Variants in UGT1A6 observed in about 807,000 individuals in gnomAD.
The protein encoded by UGT1A6 is UDP glucuronosyltransferase family 1 member A6, also known as UDP-glucuronosyltransferase 1A6.
In UGT1A6, 32 loss-of-function variants were observed where a neutral mutation model predicts 44.4. The observed-to-expected ratio is 0.72, with a 90% CI of 0.54 to 0.97. UGT1A6 has a LOEUF of 0.97. Ranked by LOEUF, UGT1A6 falls within the 50% of genes least tolerant of loss-of-function variation. UGT1A6 has a pLI of 0.00. For missense variants in UGT1A6, 685 were observed against 661.9 expected, an observed-to-expected ratio of 1.03 and a Z score of -0.38; for synonymous variants, 238 against 248.5, an observed-to-expected ratio of 0.96 and a Z score of 0.40.
At chr2:233,707,539 T>G (rs1401176001) in intron 1 of UGT1A6, among the ~76,000 whole-genome samples, 11 of 137,828 alleles carry the variant, frequency 8.0e-5, no homozygotes, top group Non-Finnish European at 1.6e-5. Context: ...TTGTCTTGCC[T>G]TTTTTTTTTT....
chr2:233,745,781 C>A (rs1693207389), intron 1 of UGT1A6, among the ~76,000 whole-genome samples: 1 of 150,162 alleles, frequency 6.7e-6, no homozygotes, highest in Non-Finnish European at 1.5e-5. Flanking sequence ...TGAGCTTAGA[C>A]AGGGGGGCTG....
At chr2:233,757,535 A>AATAAATATACATATAC (rs1553619837) in intron 1 of UGT1A6, among the ~76,000 whole-genome samples, 3 of 88,310 alleles carry the variant, frequency 3.4e-5, no homozygotes, top group African/African-American at 1.5e-4. Context: ...GCCTGTAAGG[A>AATAAATATACATATAC]ATATATATAT....
Position 233,769,399 on chromosome 2 carries a change from ATGTGCGTGTGCGTT to A in UGT1A6, c.1301+966_1301+979del. On this transcript the variant is annotated intron_variant, in intron 4 of 4. Coordinates refer to ENST00000305139, the MANE Select transcript of UGT1A6 (RefSeq NM_001072.4). This position sits in a 1 kb window ranked among gnomAD's most constrained non-coding sequence, Gnocchi z 4.4. ...ATCCGACAATAGATACTGTGTGCATATGTGCGTGTGCGTTTGTGCATGTGGCTGTGCTCATGTGT... is the reference window on the plus strand; with the variant it reads ...ATCCGACAATAGATACTGTGTGCATATGTGCATGTGGCTGTGCTCATGTGT... 1 of 1,170,288 alleles carries A rather than the reference ATGTGCGTGTGCGTT, an allele frequency of 8.5e-7. No homozygotes were observed. Among genetic ancestry groups the A allele is most frequent in the Non-Finnish European group, 1.2e-6 (1 of 810,196 alleles). 72.5% of individuals were successfully genotyped at this position (1,170,288 alleles called of 1,614,324 possible).
At chr2:233,767,827 C>G in intron 2 of UGT1A6, 22 bp from the exon 3 acceptor site, 2 of 1,614,176 alleles carry the variant, frequency 1.2e-6, no homozygotes, top group Non-Finnish European at 1.7e-6. Flanking sequence ...TCTTTACGTT[C>G]TGCTCTTTTT....
At chr2:233,744,177 C>G (rs1335639755) in intron 1 of UGT1A6, among the ~76,000 whole-genome samples, 1 of 151,854 alleles carries the variant, frequency 6.6e-6, no homozygotes, top group Admixed American at 6.5e-5. Context: ...CGGCCTCCAA[C>G]CAGCCATGGT....
upstream of UGT1A6, chr2:233,692,279 C>G (rs2075088815): frequency 6.6e-6 from 1 of 152,370 alleles, no homozygotes. Flanking sequence ...TTTCCTCTGG[C>G]TATTCATCCG....
intron 1 of UGT1A6, chr2:233,741,960 TTG>T: frequency 6.6e-6 from 1 of 151,970 alleles, no homozygotes; most frequent in East Asian, 1.9e-4. Context: ...TACTTTCTTG[TTG>T]TGTTTATGGT....
At chr2:233,751,657 CTGAG>C (rs111702425) in intron 1 of UGT1A6, among the ~76,000 whole-genome samples, 4 of 152,292 alleles carry the variant, frequency 2.6e-5, no homozygotes, top group African/African-American at 9.6e-5. Context: ...TCTCATCCTA[CTGAG>C]TGAGTTCTAA....
At chr2:233,754,637 G>C (rs1695540827) in intron 1 of UGT1A6, 2 of 446,646 alleles carry the variant, frequency 4.5e-6, no homozygotes, top group African/African-American at 4.1e-5. Context: ...CCCTTTCTTG[G>C]CCATTCTCAA....
intron 1 of UGT1A6, chr2:233,718,950 ATGCGGGAGGCCT>A (rs1337113701): frequency 6.2e-7 from 1 of 1,614,178 alleles, no homozygotes. Flanking sequence ...CTGGCTCAGC[ATGCGGGAGGCCT>A]TGCGGGAGCT....
In UGT1A6 at chr2:233,760,364, ATGCTGGGAAGATAC is replaced by A. The variant is rs775463336; in HGVS notation, c.862-6667_862-6654del. 13 of 1,614,036 alleles carry A rather than the reference ATGCTGGGAAGATAC, an allele frequency of 8.1e-6. No homozygotes were observed. In the African/African-American group the frequency reaches 1.6e-4, roughly 20 times the overall value. On this transcript the variant is annotated intron_variant, in intron 1 of 4. Coordinates refer to ENST00000305139, the MANE Select transcript of UGT1A6 (RefSeq NM_001072.4). ...TGTGTGCTGGGCCCAGTGGTGTCCC[ATGCTGGGAAGATAC>A]TGTTGATCCCAGTGGATGGCAGCCA... is the stretch of plus-strand genomic sequence containing the variant.
chr2:233,769,855 C>T lies in UGT1A6; in HGVS notation c.1301+1416C>T. The T allele has an allele frequency of 2.7e-6, 1 of 372,078 alleles. No individual in the cohort carries two copies. The highest frequency in any genetic ancestry group is 4.4e-6 in the Non-Finnish European group (1 of 226,694). The allele number at this position is 372,078 out of a possible 1,614,324, so 23.0% of individuals were successfully genotyped here. On this transcript the variant is annotated intron_variant, in intron 4 of 4. Coordinates refer to ENST00000305139, the MANE Select transcript of UGT1A6 (RefSeq NM_001072.4). The surrounding 1 kb of genome is among the most constrained non-coding windows in gnomAD (Gnocchi z 4.4). ...CCTGGGCAACAGAGTGAGACCCTGT[C>T]TCAAAAAAAAAAAAAAAAATGAAAA...
intron 1 of UGT1A6, chr2:233,743,965 G>A (rs1040596623): frequency 9.0e-6 from 12 of 1,330,234 alleles, no homozygotes; most frequent in Non-Finnish European, 1.0e-5. Context: ...CGAGCGGCAA[G>A]GCTGCCAGCA....
At chr2:233,758,936 A>C (rs3755319) in intron 1 of UGT1A6, among the ~76,000 whole-genome samples, 79,279 of 152,106 alleles carry the variant, frequency 0.52, 21,809 homozygotes, top group African/African-American at 0.7. Context: ...TTGACTTCAA[A>C]TCAGTCATCA....
intron 1 of UGT1A6, chr2:233,713,749 C>T (rs1291086898): frequency 6.2e-7 from 1 of 1,613,848 alleles, no homozygotes; most frequent in African/African-American, 1.3e-5. Flanking sequence ...AGCCATGCAT[C>T]TGTGTGGCTG....
At chr2:233,706,052 G>A (rs1005743022) in intron 1 of UGT1A6, among the ~76,000 whole-genome samples, 4 of 152,128 alleles carry the variant, frequency 2.6e-5, no homozygotes, top group Admixed American at 1.3e-4. Flanking sequence ...CCGAGATCAC[G>A]CCACTGCATG....
At position 233,765,222 on chromosome 2, in the gene UGT1A6, C is replaced by A. The variant is rs528641835; in HGVS notation, c.862-1812C>A. On this transcript the variant is annotated intron_variant, in intron 1 of 4. Transcript: ENST00000305139. ...TAGTGCCCTCAGTATTCTTTGCAAA[C>A]ATAAAACCATAGACTCAGTAATCCC... Among the ~76,000 whole-genome samples, 51 of 152,262 alleles carry A rather than the reference C, an allele frequency of 3.3e-4. 1 individual carries two copies. The South Asian group carries it at 4.4e-3, about 13-fold the overall frequency.
At chr2:233,751,762 G>A (rs888611090) in intron 1 of UGT1A6, among the ~76,000 whole-genome samples, 16 of 152,160 alleles carry the variant, frequency 1.1e-4, no homozygotes, top group Non-Finnish European at 2.1e-4. Context: ...TGCCATGTGA[G>A]ACATGACTTT....
chr2:233,772,602 G>A lies in UGT1A6; in HGVS notation c.*43G>A. 6.3e-7 allele frequency: 1 copy of A among 1,589,502 alleles called. No individual in the cohort carries two copies. Among genetic ancestry groups the A allele is most frequent in the Non-Finnish European group, 8.6e-7 (1 of 1,167,066 alleles). On this transcript the variant is annotated 3_prime_UTR_variant, in exon 5 of 5. Transcript: ENST00000305139. The stretch of plus-strand genomic sequence containing the variant: ...AGGTAAAATTTTGAACCATTCCCTA[G>A]TCATTTCCAAACTTGAAAACAGAAT...
Sources: allele counts gnomAD v4.1 joint callset (sites outside exome capture counted in the v4.1 genomes callset), GRCh38; gene constraint gnomAD v4.1.1; non-coding constraint Gnocchi (gnomAD v3.1); transcripts MANE v1.5; gene names NCBI Gene and HGNC (gene_info 2026-07-23, HGNC 2026-07-21).